The following MCTP2 variants were observed in gnomAD, a reference collection of about 807,000 sequenced individuals.
MCTP2 encodes multiple C2 and transmembrane domain containing 2.
In MCTP2, 132 loss-of-function variants were observed where a neutral mutation model predicts 111.6. The ratio of observed to expected loss-of-function variants is 1.18; its 90% CI spans 1.03 to 1.37. The LOEUF (loss-of-function observed/expected upper bound fraction) is 1.37, where lower values mean the gene tolerates loss of function less well. Ranked by LOEUF, MCTP2 falls within the 40% of genes most tolerant of loss-of-function variation. MCTP2 has a pLI of 0.00. For missense variants in MCTP2, 1,183 were observed against 1,067.9 expected (o/e 1.11, Z -1.50); for synonymous variants, 395 against 387.7 (o/e 1.02, Z -0.22).
intron 4 of MCTP2, among the ~76,000 whole-genome samples, chr15:94,324,960 C>T (rs902929869): frequency 6.6e-6 from 1 of 152,172 alleles, no homozygotes; most frequent in Non-Finnish European, 1.5e-5. Context: ...TACTGAGCAG[C>T]GGTGTAGCTT....
At chr15:94,390,062 A>ACG (rs1240110752) in intron 14 of MCTP2, among the ~76,000 whole-genome samples, 909 of 10,016 alleles carry the variant, frequency 0.091, 13 homozygotes, top group Non-Finnish European at 0.16. Context: ...ATATATATAT[A>ACG]TATATATATA....
intron 1 of MCTP2, among the ~76,000 whole-genome samples, chr15:94,284,295 A>G (rs1215518873): frequency 2.0e-5 from 3 of 152,224 alleles, no homozygotes; most frequent in Admixed American, 2.0e-4. Flanking sequence ...CCCATTACTA[A>G]TCACTTCTAA....
intron 2 of MCTP2, among the ~76,000 whole-genome samples, chr15:94,304,284 A>T (rs1596311978): frequency 6.6e-6 from 1 of 152,152 alleles, no homozygotes; most frequent in East Asian, 1.9e-4. Flanking sequence ...TCTACTAAAA[A>T]TATAAAAATT....
chr15:94,245,364 AT>A (rs1401018061), intron 1 of MCTP2, among the ~76,000 whole-genome samples: 1 of 138,310 alleles, frequency 7.2e-6, no homozygotes, highest in Non-Finnish European at 1.5e-5. Flanking sequence ...ATGTATATAT[AT>A]TTACATACAT....
At chr15:94,347,078 C>G (rs1290948322) in intron 8 of MCTP2, among the ~76,000 whole-genome samples, 1 of 152,042 alleles carries the variant, frequency 6.6e-6, no homozygotes, top group Non-Finnish European at 1.5e-5. Flanking sequence ...TCAAGGCACA[C>G]AAGTTATATT....
chr15:94,390,715 C>A (rs979548167), intron 14 of MCTP2, among the ~76,000 whole-genome samples: 1 of 133,066 alleles, frequency 7.5e-6, no homozygotes, highest in Non-Finnish European at 1.6e-5. Context: ...CCTGCAATTT[C>A]TTTTCTTTTC....
intron 9 of MCTP2, 43 bp downstream of exon 9, chr15:94,356,344 T>TA (rs537136142): frequency 1.8e-4 from 249 of 1,417,720 alleles, no homozygotes; most frequent in East Asian, 2.7e-4. Context: ...ATCTTTAAAA[T>TA]AAAAAAAAAT....
chr15:94,309,103 C>T (rs547682952), intron 2 of MCTP2, among the ~76,000 whole-genome samples: 1 of 152,170 alleles, frequency 6.6e-6, no homozygotes, highest in Admixed American at 6.5e-5. Context: ...CAGACTTGGC[C>T]GTTTAGTAGG....
chr15:94,376,781 T>C (rs4984388), intron 12 of MCTP2, among the ~76,000 whole-genome samples: 20,916 of 152,224 alleles, frequency 0.14, 1,629 homozygotes, highest in Middle Eastern at 0.2. Flanking sequence ...CTATTTCTAT[T>C]GAGTGCTTAA....
In MCTP2 at chr15:94,438,950, A is replaced by T. The variant is rs919072944; in HGVS notation, c.2086-1226A>T. ...TGAAATCAAGCAGGAAAAAAATTAC[A>T]AATAGAAAAGAGGAAACAGAAGAGG... On this transcript the variant is annotated intron_variant, in intron 17 of 22. Transcript: ENST00000357742. 2.6e-5 allele frequency among the ~76,000 whole-genome samples: 4 copies of T among 152,198 alleles called. No homozygotes were observed. In the East Asian group the frequency reaches 7.7e-4, roughly 29 times the overall value.
intron 7 of MCTP2, chr15:94,342,023 C>T (rs567961179): frequency 3.3e-5 from 5 of 152,106 alleles, no homozygotes; most frequent in Admixed American, 6.5e-5. Context: ...AGTAGGTGAC[C>T]GGTGACTTGA....
intron 2 of MCTP2, among the ~76,000 whole-genome samples, chr15:94,304,650 G>C (rs1192437410): frequency 1.3e-5 from 2 of 152,172 alleles, no homozygotes; most frequent in African/African-American, 2.4e-5. Context: ...ATGAGAATCA[G>C]GAAAATTGGT....
At chr15:94,477,043 A>G (rs1196962008) in intron 22 of MCTP2, among the ~76,000 whole-genome samples, 2 of 152,216 alleles carry the variant, frequency 1.3e-5, no homozygotes, top group Non-Finnish European at 1.5e-5. Context: ...GCTACTGGGC[A>G]CTGATGCTTG....
chr15:94,391,105 G>C (rs1389250862), intron 14 of MCTP2, among the ~76,000 whole-genome samples: 1 of 152,004 alleles, frequency 6.6e-6, no homozygotes, highest in African/African-American at 2.4e-5. Flanking sequence ...TGTATAATCA[G>C]AAGCATGGGT....
intron 14 of MCTP2, among the ~76,000 whole-genome samples, chr15:94,394,370 TGTAAGCTG>T (rs2081170473): frequency 6.6e-6 from 1 of 152,154 alleles, no homozygotes; most frequent in African/African-American, 2.4e-5. Flanking sequence ...GCACTTATAG[TGTAAGCTG>T]GCATTATTTT....
intron 20 of MCTP2, among the ~76,000 whole-genome samples, chr15:94,465,500 A>C (rs976728125): frequency 5.9e-5 from 9 of 152,168 alleles, no homozygotes; most frequent in African/African-American, 1.7e-4. Context: ...AAGATATCTT[A>C]TTGTATGTAA....
At chr15:94,438,226 A>G (rs1037938813) in intron 17 of MCTP2, among the ~76,000 whole-genome samples, 2 of 152,136 alleles carry the variant, frequency 1.3e-5, no homozygotes, top group South Asian at 2.1e-4. Flanking sequence ...AAATAAATGT[A>G]CTTGATTTAC....
At chr15:94,430,612 G>A (rs972434132) in intron 17 of MCTP2, among the ~76,000 whole-genome samples, 5 of 150,516 alleles carry the variant, frequency 3.3e-5, no homozygotes, top group African/African-American at 4.9e-5. Flanking sequence ...GCTGGGCGTC[G>A]TGGTGGGCGC....
At chr15:94,244,999 C>A (rs543833207) in intron 1 of MCTP2, among the ~76,000 whole-genome samples, 1 of 141,570 alleles carries the variant, frequency 7.1e-6, no homozygotes. Flanking sequence ...TGTTTATATA[C>A]GTATATGTAT....
Sources: gnomAD v4.1 joint callset for allele counts (sites outside exome capture counted in the v4.1 genomes callset) on GRCh38, gnomAD v4.1.1 for gene constraint, MANE v1.5 for transcripts, NCBI Gene and HGNC (gene_info 2026-07-23, HGNC 2026-07-21) for gene names.